The following SLC30A4 variants were observed in gnomAD, a reference collection of about 807,000 sequenced individuals.
SLC30A4 encodes the protein solute carrier family 30 member 4.
Under a neutral mutation model 41.7 loss-of-function variants are expected in SLC30A4, and 20 were observed. The ratio of observed to expected loss-of-function variants is 0.48; its 90% CI spans 0.34 to 0.70. The LOEUF (loss-of-function observed/expected upper bound fraction) is 0.70. Among genes scored for constraint, SLC30A4 ranks in the 30% least tolerant of loss-of-function variants. The pLI is 0.01. For missense variants in SLC30A4, 441 were observed against 529.3 expected (o/e 0.83, Z 1.64); for synonymous variants, 181 against 195.9 (o/e 0.92, Z 0.64).
intron 1 of SLC30A4, 64 bp from the exon 2 acceptor site, chr15:45,522,532 G>A (rs989247720): frequency 1.3e-5 from 8 of 622,318 alleles, no homozygotes; most frequent in African/African-American, 9.5e-5. Flanking sequence ...TTCCGAAGCC[G>A]CTGGCGGCGG....
At chr15:45,493,840 A>G (rs1281116280) in intron 3 of SLC30A4, among the ~76,000 whole-genome samples, 1 of 152,054 alleles carries the variant, frequency 6.6e-6, no homozygotes, top group Non-Finnish European at 1.5e-5. Flanking sequence ...AACAAAAACA[A>G]AAAAAACACT....
chr15:45,511,019 A>G (rs1183617204), intron 3 of SLC30A4, 119 bp downstream of exon 3: 8 of 785,086 alleles, frequency 1.0e-5, no homozygotes, highest in South Asian at 2.2e-5. Context: ...TTGTTTATCT[A>G]TTTTCATTTG....
chr15:45,512,040 T>C lies in SLC30A4; in HGVS notation c.392-756A>G, dbSNP rs554472084. 1.1e-4 allele frequency among the ~76,000 whole-genome samples: 17 copies of C among 152,354 alleles called. No homozygotes were observed. The South Asian group carries it at 1.2e-3, about 11-fold the overall frequency. On this transcript the variant is annotated intron_variant, in intron 2 of 7. Transcript: ENST00000261867. ...ACCTACAAAATGTACATTAGTTCGA[T>C]ATAAAATATGTAAAAATTAACTGAT...
chr15:45,490,323 A>G (rs1450506093), intron 4 of SLC30A4, among the ~76,000 whole-genome samples: 1 of 152,150 alleles, frequency 6.6e-6, no homozygotes, highest in Non-Finnish European at 1.5e-5. Flanking sequence ...TCTAGAGCGC[A>G]AGTGATCTTC....
At chr15:45,494,978 G>C (rs1019690772) in intron 3 of SLC30A4, among the ~76,000 whole-genome samples, 2 of 152,032 alleles carry the variant, frequency 1.3e-5, no homozygotes, top group Admixed American at 6.6e-5. Flanking sequence ...GAGCAACACA[G>C]TGAGACCCTG....
rs1891724900 is a variant in SLC30A4 at position 45,487,414 on chromosome 15, TA to T, written c.1000+112del. On this transcript the variant is annotated intron_variant, in intron 6 of 7. Coordinates refer to ENST00000261867, the MANE Select transcript of SLC30A4 (RefSeq NM_013309.6). ...ACATGTAAGGTACTGTTATATAGCC[TA>T]AAAGGTATTAGTAAAAAGCAAAAGA... 9 of 591,142 alleles carry T rather than the reference TA, an allele frequency of 1.5e-5. 1 individual carries two copies. The South Asian group carries it at 2.0e-4, about 13-fold the overall frequency. The allele number at this position is 591,142 out of a possible 1,614,324, so 36.6% of individuals were successfully genotyped here. A position where few individuals can be genotyped will look rare whatever the true frequency, so the allele number is the denominator to read the frequency against.
chr15:45,499,816 T>G (rs1891984443), intron 3 of SLC30A4, among the ~76,000 whole-genome samples: 1 of 152,162 alleles, frequency 6.6e-6, no homozygotes, highest in Admixed American at 6.5e-5. Context: ...AAAAGCTGAT[T>G]GTAGTTTATT....
intron 3 of SLC30A4, among the ~76,000 whole-genome samples, chr15:45,500,667 TTTTTG>T (rs1892009214): frequency 6.6e-6 from 1 of 151,618 alleles, no homozygotes; most frequent in South Asian, 2.1e-4. Flanking sequence ...TATCTATATG[TTTTTG>T]TTTTATTTTT....
rs1891725106 is a variant in SLC30A4 at position 45,487,424 on chromosome 15, T to G, written c.1000+103A>C. 3 of 620,354 alleles carry G rather than the reference T, an allele frequency of 4.8e-6. No homozygotes were observed. The South Asian group carries it at 6.1e-5, about 13-fold the overall frequency. The allele number at this position is 620,354 out of a possible 1,614,324, so 38.4% of individuals were successfully genotyped here. A position where few individuals can be genotyped will look rare whatever the true frequency, so the allele number is the denominator to read the frequency against. ...TACTGTTATATAGCCTAAAAGGTAT[T>G]AGTAAAAAGCAAAAGATGTAATTCC... On this transcript the variant is annotated intron_variant, in intron 6 of 7. Transcript: ENST00000261867.
intron 3 of SLC30A4, among the ~76,000 whole-genome samples, chr15:45,493,604 G>C (rs995216746): frequency 6.6e-6 from 1 of 152,136 alleles, no homozygotes; most frequent in East Asian, 1.9e-4. Flanking sequence ...GAGGCGGGCG[G>C]ATCACAAGGT....
intron 7 of SLC30A4, 83 bp downstream of exon 7, chr15:45,486,528 C>A: frequency 8.0e-7 from 1 of 1,247,324 alleles, no homozygotes; most frequent in Non-Finnish European, 1.1e-6. Flanking sequence ...AAAAGTCTTC[C>A]TACATAATTA....
chr15:45,520,541 C>A (rs952000657), intron 2 of SLC30A4, among the ~76,000 whole-genome samples: 1 of 152,150 alleles, frequency 6.6e-6, no homozygotes, highest in Non-Finnish European at 1.5e-5. Flanking sequence ...TCCCAAAGTG[C>A]TGGGATTAAA....
intron 4 of SLC30A4, 68 bp downstream of exon 4, chr15:45,490,660 A>G (rs1320404590): frequency 1.1e-6 from 1 of 935,884 alleles, no homozygotes; most frequent in Non-Finnish European, 1.6e-6. Flanking sequence ...AATATTACTG[A>G]ATGCATATGC....
At chr15:45,505,046 C>T (rs529369825) in intron 3 of SLC30A4, among the ~76,000 whole-genome samples, 9 of 152,098 alleles carry the variant, frequency 5.9e-5, no homozygotes, top group South Asian at 4.2e-4. Context: ...GCCTGGCCAA[C>T]GTGGTGAAAC....
rs763803425 is a variant in SLC30A4, at chr15:45,490,716, AAT to A, written c.692+10_692+11del. 3.2e-6 allele frequency: 5 copies of A among 1,576,112 alleles called. No individual in the cohort carries two copies. In the South Asian group the frequency reaches 5.9e-5, roughly 19 times the overall value. ...TACTTGAAAATATTAATGTGAAAAA[AAT>A]AGAGCTTACATTACATTAACTGCAA... On this transcript the variant is annotated intron_variant, in intron 4 of 7. Transcript: ENST00000261867.
intron 2 of SLC30A4, among the ~76,000 whole-genome samples, chr15:45,521,488 G>C (rs1176952120): frequency 6.6e-6 from 1 of 151,818 alleles, no homozygotes; most frequent in Admixed American, 6.6e-5. Flanking sequence ...AACTCCCTAA[G>C]TGGCCCTCAC....
chr15:45,489,729 C>A (rs186340935), intron 4 of SLC30A4, among the ~76,000 whole-genome samples: 56 of 151,950 alleles, frequency 3.7e-4, no homozygotes, highest in African/African-American at 1.3e-3. Context: ...TGTAACAAAC[C>A]TGCACGTTGT....
At chr15:45,498,868 T>A (rs1321143867) in intron 3 of SLC30A4, among the ~76,000 whole-genome samples, 1 of 152,192 alleles carries the variant, frequency 6.6e-6, no homozygotes, top group Non-Finnish European at 1.5e-5. Flanking sequence ...GCTGTGTGTT[T>A]GCGGGAAGAC....
intron 2 of SLC30A4, among the ~76,000 whole-genome samples, chr15:45,515,373 G>A (rs1892437379): frequency 6.6e-6 from 1 of 151,866 alleles, no homozygotes; most frequent in African/African-American, 2.4e-5. Context: ...AAGAAATTTC[G>A]GCCGGGCGTG....
Sources: gnomAD v4.1 joint callset for allele counts (sites outside exome capture counted in the v4.1 genomes callset) on GRCh38, gnomAD v4.1.1 for gene constraint, MANE v1.5 for transcripts, NCBI Gene and HGNC (gene_info 2026-07-23, HGNC 2026-07-21) for gene names.